NECTIN3: variants seen among roughly 807,000 people sequenced by gnomAD.
The protein encoded by NECTIN3 is nectin cell adhesion molecule 3.
NECTIN3 carries 8 observed loss-of-function variants against 49.4 expected under a neutral mutation model. The observed-to-expected ratio is 0.16, with a 90% confidence interval of 0.10 to 0.29. The LOEUF (loss-of-function observed/expected upper bound fraction) is 0.29. Among genes scored for constraint, NECTIN3 ranks in the 10% least tolerant of loss-of-function variants. The pLI is 1.00. For missense variants in NECTIN3, 581 were observed against 654.6 expected (o/e 0.89, Z 1.23); for synonymous variants, 277 against 241.1 (o/e 1.15, Z -1.38).
chr3:111,072,260 C>G lies in NECTIN3; in HGVS notation c.160+83C>G. The G allele has an allele frequency of 4.1e-6, 6 of 1,475,284 alleles. No homozygotes were observed. In the South Asian group the frequency reaches 6.7e-5, roughly 16 times the overall value. 91.4% of individuals were successfully genotyped at this position (1,475,284 alleles called of 1,614,324 possible). A position where few individuals can be genotyped will look rare whatever the true frequency, so the allele number is the denominator to read the frequency against. On this transcript the variant is annotated intron_variant, in intron 1 of 5. Transcript: ENST00000485303. ...GCCGCGGCCGGCTCTGCCAGCCGTT[C>G]TCTGGAGCAGCGAGGCGGTTGGTTG... is the stretch of plus-strand genomic sequence containing the variant.
rs919119807 is a variant in NECTIN3 at position 111,137,324 on chromosome 3, A to G, written c.*3109A>G. 1 of 972,810 alleles carries G rather than the reference A, an allele frequency of 1.0e-6. No homozygotes were observed. Among genetic ancestry groups the G allele is most frequent in the Admixed American group, 6.2e-5 (1 of 16,136 alleles). The allele number at this position is 972,810 out of a possible 1,614,324, so 60.3% of individuals were successfully genotyped here. A position where few individuals can be genotyped will look rare whatever the true frequency, so the allele number is the denominator to read the frequency against. On this transcript the variant is annotated 3_prime_UTR_variant, in exon 6 of 6. Transcript: ENST00000485303. ...GAATTGTCTTTCCTGTTTACTTGTT[A>G]ATTAGAAAATGCATCCTTCATAAAC...
At chr3:111,105,744 G>T (rs2033152562) in intron 1 of NECTIN3, among the ~76,000 whole-genome samples, 1 of 152,134 alleles carries the variant, frequency 6.6e-6, no homozygotes, top group African/African-American at 2.4e-5. Context: ...ATAACTCAAA[G>T]ACTGCCTAGC....
chr3:111,157,205 T>A (rs2035114905), intron 7 of NECTIN3, among the ~76,000 whole-genome samples: 1 of 152,128 alleles, frequency 6.6e-6, no homozygotes, highest in African/African-American at 2.4e-5. Flanking sequence ...TTACAAATAT[T>A]TTTCAAAACG....
chr3:111,169,079 CTTTTTTTTT>C (rs142606359), intron 7 of NECTIN3, among the ~76,000 whole-genome samples: 12 of 104,134 alleles, frequency 1.2e-4, no homozygotes, highest in African/African-American at 4.5e-4. Context: ...ACTATTCAAA[CTTTTTTTTT>C]TTTTTTTTTT....
intron 1 of NECTIN3, among the ~76,000 whole-genome samples, chr3:111,088,928 C>T (rs1348964979): frequency 6.6e-6 from 1 of 151,990 alleles, no homozygotes; most frequent in East Asian, 1.9e-4. Context: ...CAGAATTCAT[C>T]TGGGCATGTA....
chr3:111,082,487 GGA>G (rs2031677814), intron 1 of NECTIN3, among the ~76,000 whole-genome samples: 1 of 151,986 alleles, frequency 6.6e-6, no homozygotes, highest in African/African-American at 2.4e-5. Flanking sequence ...GCTATCGGAG[GGA>G]GAGAGAAGAA....
intron 7 of NECTIN3, among the ~76,000 whole-genome samples, chr3:111,184,408 G>GGT (rs1453025954): frequency 1.3e-5 from 2 of 152,258 alleles, no homozygotes; most frequent in African/African-American, 4.8e-5. Context: ...TCTTTGGAGT[G>GGT]GGTTAGTTAT....
At chr3:111,167,878 T>G (rs1244538145) in intron 7 of NECTIN3, among the ~76,000 whole-genome samples, 1 of 152,146 alleles carries the variant, frequency 6.6e-6, no homozygotes, top group Non-Finnish European at 1.5e-5. Flanking sequence ...AACTCACTTT[T>G]TTTTTCTTTT....
At chr3:111,184,439 T>C (rs1320473216) in intron 7 of NECTIN3, among the ~76,000 whole-genome samples, 1 of 152,184 alleles carries the variant, frequency 6.6e-6, no homozygotes, top group Non-Finnish European at 1.5e-5. Context: ...CAGCCCCACT[T>C]TTCTCTCTGC....
At chr3:111,192,520 A>G in intron 1 of NECTIN3, 2 of 1,109,846 alleles carry the variant, frequency 1.8e-6, no homozygotes, top group Non-Finnish European at 2.6e-6. Flanking sequence ...TCTTTCCCCT[A>G]TTTGAGTGTC....
At chr3:111,072,797 C>T in intron 1 of NECTIN3, 1 of 494,612 alleles carries the variant, frequency 2.0e-6, no homozygotes, top group South Asian at 2.3e-5. Flanking sequence ...GGACGTCTCT[C>T]ACACTGCCCG....
rs963252059 is a variant in NECTIN3 at position 111,178,291 on chromosome 3, C to T, written c.1222-14060C>T. On this transcript the variant is annotated intron_variant, in intron 7 of 8. Transcript: ENST00000493615. ...TAGCAGCCTGTATTTGAAAAGTTAG[C>T]CATGAGGACTTTCTTTCTGTAGTCA... Among the ~76,000 whole-genome samples the T allele has an allele frequency of 2.0e-5, 3 of 152,144 alleles. No individual in the cohort carries two copies. The South Asian group carries it at 6.2e-4, about 31-fold the overall frequency.
At chr3:111,147,326 T>C (rs1182263057) in intron 6 of NECTIN3, 3 of 1,139,608 alleles carry the variant, frequency 2.6e-6, no homozygotes, top group Admixed American at 2.5e-5. Context: ...TCAAAACTTA[T>C]GAGAACCTTG....
intron 7 of NECTIN3, among the ~76,000 whole-genome samples, chr3:111,163,337 C>T (rs889084381): frequency 3.3e-5 from 5 of 152,176 alleles, no homozygotes; most frequent in African/African-American, 4.8e-5. Flanking sequence ...TTCCACCATA[C>T]TTCAATAGTT....
intron 7 of NECTIN3, among the ~76,000 whole-genome samples, chr3:111,168,185 A>C (rs145579556): frequency 2.6e-5 from 4 of 152,074 alleles, no homozygotes; most frequent in African/African-American, 9.7e-5. Flanking sequence ...AATAACATAC[A>C]AAGAGCTATG....
At chr3:111,130,860 T>C (rs1214727504) in intron 5 of NECTIN3, among the ~76,000 whole-genome samples, 1 of 152,116 alleles carries the variant, frequency 6.6e-6, no homozygotes, top group Non-Finnish European at 1.5e-5. Flanking sequence ...TTGCTTTTGA[T>C]GTATATTTTT....
intron 1 of NECTIN3, among the ~76,000 whole-genome samples, chr3:111,192,758 G>T (rs1259701151): frequency 6.6e-6 from 1 of 152,174 alleles, no homozygotes; most frequent in Non-Finnish European, 1.5e-5. Context: ...TCAAATGCCA[G>T]TTCATTTTGC....
intron 7 of NECTIN3, among the ~76,000 whole-genome samples, chr3:111,147,947 G>A (rs2107510369): frequency 6.6e-6 from 1 of 152,294 alleles, no homozygotes; most frequent in East Asian, 1.9e-4. Context: ...TCATGTGAAA[G>A]TATTGATTCA....
At chr3:111,090,501 A>G (rs769495881) in intron 1 of NECTIN3, among the ~76,000 whole-genome samples, 11 of 152,030 alleles carry the variant, frequency 7.2e-5, no homozygotes, top group Non-Finnish European at 1.3e-4. Context: ...CAGGCAATAC[A>G]GGAACCATCA....
Sources: gnomAD v4.1 joint callset for allele counts (sites outside exome capture counted in the v4.1 genomes callset) on GRCh38, gnomAD v4.1.1 for gene constraint, MANE v1.5 for transcripts, NCBI Gene and HGNC (gene_info 2026-07-23, HGNC 2026-07-21) for gene names.